The following PTPRM variants were observed in gnomAD, a reference collection of about 807,000 sequenced individuals.
PTPRM encodes the protein receptor-type tyrosine-protein phosphatase mu.
A neutral mutation model predicts 186.7 loss-of-function variants in PTPRM; 47 were observed. The ratio of observed to expected loss-of-function variants is 0.25; its 90% confidence interval spans 0.20 to 0.32. The LOEUF (loss-of-function observed/expected upper bound fraction) is 0.32, where lower values mean the gene tolerates loss of function less well. PTPRM is among the 10% of genes least tolerant of loss of function. The probability of loss-of-function intolerance (pLI) is 1.00; values close to 1 mark genes in which losing one functional copy is unlikely to be tolerated. For synonymous variants in PTPRM, 668 were observed against 674.9 expected, an observed-to-expected ratio of 0.99 and a Z score of 0.16; for missense variants, 1,494 against 1,865.0, an observed-to-expected ratio of 0.80 and a Z score of 3.66.
intron 1 of PTPRM, among the ~76,000 whole-genome samples, chr18:7,709,687 C>A (rs913511698): frequency 7.9e-5 from 12 of 151,908 alleles, no homozygotes; most frequent in Admixed American, 7.2e-4. Flanking sequence ...GAAGATGATG[C>A]AAATAAGCTC....
chr18:8,115,013 G>A (rs546618678), intron 13 of PTPRM, among the ~76,000 whole-genome samples, 186 bp downstream of exon 13: 2 of 151,926 alleles, frequency 1.3e-5, no homozygotes, highest in East Asian at 3.9e-4. Context: ...TTGACTGACT[G>A]GAACTCATAT....
intron 1 of PTPRM, among the ~76,000 whole-genome samples, chr18:7,619,492 G>C (rs1000407724): frequency 1.4e-4 from 21 of 152,214 alleles, no homozygotes. Context: ...GTGAATGTGT[G>C]TGTGTTTAAA....
intron 1 of PTPRM, among the ~76,000 whole-genome samples, chr18:7,693,141 C>A (rs112967333): frequency 6.6e-4 from 101 of 152,260 alleles, no homozygotes; most frequent in African/African-American, 2.2e-3. Flanking sequence ...GACTGCAGAC[C>A]AGCCTGCCTT....
chr18:8,267,016 A>C (rs2094709160), intron 19 of PTPRM, among the ~76,000 whole-genome samples: 1 of 152,188 alleles, frequency 6.6e-6, no homozygotes, highest in Non-Finnish European at 1.5e-5. Context: ...GACATGGAAA[A>C]CCTTTTATCT....
chr18:8,116,180 TA>T lies in PTPRM; in HGVS notation c.2167+1354del, dbSNP rs1426257281. Among the ~76,000 whole-genome samples the T allele has an allele frequency of 3.9e-5, 6 of 152,322 alleles. No individual in the cohort carries two copies. The East Asian group carries it at 9.6e-4, about 24-fold the overall frequency. On this transcript the variant is annotated intron_variant, in intron 13 of 32. Coordinates refer to ENST00000580170, the MANE Select transcript of PTPRM (RefSeq NM_001105244.2). ...CATTGATGCTCTTAGATCTCAAGAT[TA>T]TGGTCCATACTCAACAACAGGAATT...
chr18:8,253,813 C>T (rs577886382), intron 19 of PTPRM, among the ~76,000 whole-genome samples: 4 of 152,266 alleles, frequency 2.6e-5, no homozygotes, highest in Admixed American at 6.5e-5. Flanking sequence ...AGTTCACATG[C>T]GTTACATGGA....
At chr18:8,206,004 A>G (rs2146898618) in intron 14 of PTPRM, among the ~76,000 whole-genome samples, 1 of 152,272 alleles carries the variant, frequency 6.6e-6, no homozygotes, top group South Asian at 2.1e-4. Context: ...TGGATCTCAT[A>G]AGAACTATAC....
At chr18:8,222,109 A>G (rs1351378216) in intron 14 of PTPRM, among the ~76,000 whole-genome samples, 10 of 152,206 alleles carry the variant, frequency 6.6e-5, no homozygotes, top group African/African-American at 2.2e-4. Context: ...ATTACATTTA[A>G]TTTGGCTAAA....
At chr18:8,121,302 C>A (rs1378923898) in intron 13 of PTPRM, among the ~76,000 whole-genome samples, 1 of 152,206 alleles carries the variant, frequency 6.6e-6, no homozygotes, top group African/African-American at 2.4e-5. Flanking sequence ...ATTTTCCTTA[C>A]TCGCTGCCAC....
At chr18:8,021,890 G>T (rs1017701951) in intron 7 of PTPRM, among the ~76,000 whole-genome samples, 1 of 151,852 alleles carries the variant, frequency 6.6e-6, no homozygotes, top group Admixed American at 6.6e-5. Flanking sequence ...GCCTAATTTT[G>T]TTCTAACATC....
intron 20 of PTPRM, among the ~76,000 whole-genome samples, chr18:8,305,749 C>A (rs1307403437): frequency 6.6e-6 from 1 of 152,166 alleles, no homozygotes; most frequent in Admixed American, 6.5e-5. Flanking sequence ...AAAGTATCTC[C>A]ACCTCCTCTT....
chr18:7,981,930 C>A (rs757480167), intron 7 of PTPRM, among the ~76,000 whole-genome samples: 36 of 152,128 alleles, frequency 2.4e-4, no homozygotes, highest in Non-Finnish European at 5.1e-4. Flanking sequence ...CACACCTGTA[C>A]AGGACATCCA....
chr18:7,956,328 G>A (rs1436682674), intron 7 of PTPRM, among the ~76,000 whole-genome samples: 1 of 152,118 alleles, frequency 6.6e-6, no homozygotes, highest in African/African-American at 2.4e-5. Flanking sequence ...GATTCTATCT[G>A]GTAGGAGTAA....
At chr18:7,984,459 G>A (rs766449858) in intron 7 of PTPRM, among the ~76,000 whole-genome samples, 31 of 150,890 alleles carry the variant, frequency 2.1e-4, no homozygotes, top group Admixed American at 3.3e-4. Flanking sequence ...TTGAAAATCT[G>A]TACAGCTGTA....
At chr18:7,705,361 G>GTC (rs959608745) in intron 1 of PTPRM, among the ~76,000 whole-genome samples, 20 of 149,298 alleles carry the variant, frequency 1.3e-4, no homozygotes, top group East Asian at 5.9e-4. Flanking sequence ...CTATCTTTCT[G>GTC]TCTCTCTCTC....
At chr18:8,193,300 G>A (rs1342501206) in intron 14 of PTPRM, among the ~76,000 whole-genome samples, 1 of 152,124 alleles carries the variant, frequency 6.6e-6, no homozygotes, top group Admixed American at 6.5e-5. Context: ...AGGGGAGGAT[G>A]TTCAAAATGA....
At chr18:7,804,538 T>G (rs1481606345) in intron 2 of PTPRM, among the ~76,000 whole-genome samples, 3 of 152,208 alleles carry the variant, frequency 2.0e-5, no homozygotes, top group Non-Finnish European at 4.4e-5. Flanking sequence ...GTTATTAGTA[T>G]GGATCTAAAA....
chr18:8,187,698 T>C (rs1246529125), intron 14 of PTPRM, among the ~76,000 whole-genome samples: 1 of 151,874 alleles, frequency 6.6e-6, no homozygotes, highest in Non-Finnish European at 1.5e-5. Flanking sequence ...ATTTAAGAGG[T>C]GAAGTTAACG....
intron 7 of PTPRM, among the ~76,000 whole-genome samples, chr18:7,997,451 G>C (rs1186203246): frequency 6.6e-6 from 1 of 152,094 alleles, no homozygotes. Flanking sequence ...TAGGAGAATT[G>C]ATTTGGTACA....
Sources: allele counts gnomAD v4.1 joint callset (sites outside exome capture counted in the v4.1 genomes callset), GRCh38; gene constraint gnomAD v4.1.1; transcripts MANE v1.5; gene names NCBI Gene and HGNC (gene_info 2026-07-23, HGNC 2026-07-21).